The following SPPL3 variants were observed in gnomAD, a reference collection of about 807,000 sequenced individuals.
The protein encoded by SPPL3 is signal peptide peptidase-like 3.
In SPPL3, 5 loss-of-function variants were observed where a neutral mutation model predicts 42.4. The observed-to-expected ratio is 0.12, with a 90% confidence interval of 0.06 to 0.25. The LOEUF (loss-of-function observed/expected upper bound fraction) is 0.25, where lower values mean the gene tolerates loss of function less well. Among genes scored for constraint, SPPL3 ranks in the 10% least tolerant of loss-of-function variants. SPPL3 has a pLI of 1.00. For synonymous variants in SPPL3, 195 were observed against 181.8 expected (o/e 1.07, Z -0.58); for missense variants, 235 against 489.0 (o/e 0.48, Z 4.90).
intron 1 of SPPL3, among the ~76,000 whole-genome samples, chr12:120,814,721 A>G (rs1205523532): frequency 6.6e-6 from 1 of 151,114 alleles, no homozygotes; most frequent in Non-Finnish European, 1.5e-5. Flanking sequence ...AGTCATTTTT[A>G]GATAACAACT....
intron 1 of SPPL3, among the ~76,000 whole-genome samples, chr12:120,899,500 C>A (rs1313295297): frequency 6.6e-6 from 1 of 152,074 alleles, no homozygotes; most frequent in African/African-American, 2.4e-5. Flanking sequence ...AGGTTAGTGT[C>A]ATATGGTCCT....
At chr12:120,876,977 G>A (rs1243749714) in intron 1 of SPPL3, among the ~76,000 whole-genome samples, 1 of 151,794 alleles carries the variant, frequency 6.6e-6, no homozygotes, top group East Asian at 1.9e-4. Flanking sequence ...AAACTGATCA[G>A]GAGAAAGGGA....
chr12:120,842,032 T>C (rs1167769392), intron 1 of SPPL3, among the ~76,000 whole-genome samples: 2 of 152,218 alleles, frequency 1.3e-5, no homozygotes, highest in Non-Finnish European at 2.9e-5. Context: ...CCAATATTTG[T>C]TGAAATCTGG....
intron 1 of SPPL3, among the ~76,000 whole-genome samples, chr12:120,811,861 A>G (rs1279511183): frequency 6.6e-6 from 1 of 152,220 alleles, no homozygotes; most frequent in African/African-American, 2.4e-5. Flanking sequence ...AAAAATGAAC[A>G]TAACTGAATG....
intron 1 of SPPL3, among the ~76,000 whole-genome samples, chr12:120,860,220 C>T (rs1054006532): frequency 6.6e-6 from 1 of 152,150 alleles, no homozygotes; most frequent in Non-Finnish European, 1.5e-5. Flanking sequence ...AAAGTCTACT[C>T]AGTCACTGAG....
chr12:120,892,056 T>C (rs952601180), intron 1 of SPPL3, among the ~76,000 whole-genome samples: 1 of 152,204 alleles, frequency 6.6e-6, no homozygotes, highest in Non-Finnish European at 1.5e-5. Flanking sequence ...ACCATTTTAT[T>C]TCTGTACTTC....
intron 1 of SPPL3, among the ~76,000 whole-genome samples, chr12:120,899,888 CAAAAAA>C (rs34814522): frequency 1.5e-4 from 11 of 71,704 alleles, no homozygotes; most frequent in African/African-American, 7.0e-4. Context: ...GACCCTGTCT[CAAAAAA>C]AAAAAAAAAA....
At chr12:120,793,237 C>T (rs544807975) in intron 2 of SPPL3, among the ~76,000 whole-genome samples, 41 of 152,292 alleles carry the variant, frequency 2.7e-4, no homozygotes, top group South Asian at 2.1e-4. Context: ...TGGCTGGAAG[C>T]GGTGGCTCAC....
chr12:120,870,232 G>T (rs1190339421), intron 1 of SPPL3, among the ~76,000 whole-genome samples: 1 of 151,896 alleles, frequency 6.6e-6, no homozygotes, highest in Non-Finnish European at 1.5e-5. Flanking sequence ...GATCACCTGA[G>T]GTCAGGAGTT....
intron 1 of SPPL3, among the ~76,000 whole-genome samples, chr12:120,884,977 TG>T (rs1423625824): frequency 2.0e-5 from 3 of 152,130 alleles, no homozygotes; most frequent in Non-Finnish European, 2.9e-5. Flanking sequence ...CATTATTTAG[TG>T]TAAGTAAGGC....
chr12:120,836,306 C>CT (rs1405830974), intron 1 of SPPL3, among the ~76,000 whole-genome samples: 1 of 152,122 alleles, frequency 6.6e-6, no homozygotes, highest in Non-Finnish European at 1.5e-5. Context: ...GCAGGCTCCA[C>CT]TTTTGCTTTC....
chr12:120,816,096 G>C (rs1870864973), intron 1 of SPPL3, among the ~76,000 whole-genome samples: 1 of 152,098 alleles, frequency 6.6e-6, no homozygotes, highest in Non-Finnish European at 1.5e-5. Flanking sequence ...AGCCTCTGAG[G>C]AGCTGTAGCT....
intron 1 of SPPL3, among the ~76,000 whole-genome samples, chr12:120,846,945 A>C (rs546572986): frequency 6.6e-6 from 1 of 152,222 alleles, no homozygotes; most frequent in South Asian, 2.1e-4. Context: ...GTGACAGCAA[A>C]CTCTGTGGTT....
At chr12:120,883,928 C>CGTTT (rs1873367585) in intron 1 of SPPL3, among the ~76,000 whole-genome samples, 1 of 151,910 alleles carries the variant, frequency 6.6e-6, no homozygotes. Flanking sequence ...ATGGAGAAAC[C>CGTTT]CTGTCTCTAT....
chr12:120,844,452 C>T (rs1871949998), intron 1 of SPPL3, among the ~76,000 whole-genome samples: 1 of 152,160 alleles, frequency 6.6e-6, no homozygotes, highest in African/African-American at 2.4e-5. Flanking sequence ...CTAACAGCCT[C>T]CCATCGTGCT....
intron 1 of SPPL3, among the ~76,000 whole-genome samples, chr12:120,896,506 T>G (rs999805140): frequency 3.3e-5 from 5 of 152,178 alleles, no homozygotes; most frequent in Non-Finnish European, 5.9e-5. Context: ...CCAGGCATGG[T>G]GCCTCATGCC....
intron 1 of SPPL3, among the ~76,000 whole-genome samples, chr12:120,878,240 T>C (rs1481599145): frequency 2.0e-5 from 3 of 152,206 alleles, no homozygotes; most frequent in Non-Finnish European, 2.9e-5. Flanking sequence ...ACTTGGTCAG[T>C]TGCAGAGAAG....
At chr12:120,795,275 A>T (rs1456976428) in intron 2 of SPPL3, among the ~76,000 whole-genome samples, 1 of 152,226 alleles carries the variant, frequency 6.6e-6, no homozygotes, top group Non-Finnish European at 1.5e-5. Flanking sequence ...CACAACTGTA[A>T]ATAGAAAAAA....
chr12:120,765,624 C>T (rs551125), intron 10 of SPPL3, among the ~76,000 whole-genome samples: 107,940 of 152,116 alleles, frequency 0.71, 39,777 homozygotes, highest in African/African-American at 0.9. Flanking sequence ...CTGTGGGAAA[C>T]CAAAGAGCAT....
Sources: allele counts gnomAD v4.1 joint callset (sites outside exome capture counted in the v4.1 genomes callset), GRCh38; gene constraint gnomAD v4.1.1; transcripts MANE v1.5; gene names NCBI Gene and HGNC (gene_info 2026-07-23, HGNC 2026-07-21).